CLASP1: variants seen among roughly 807,000 people sequenced by gnomAD.
CLASP1 encodes cytoplasmic linker associated protein 1.
CLASP1 carries 38 observed loss-of-function variants against 192.3 expected under a neutral mutation model. That is an observed-to-expected ratio of 0.20 (90% CI 0.15 to 0.26). CLASP1 has a LOEUF of 0.26. CLASP1 is among the 10% of genes least tolerant of loss of function. CLASP1 has a pLI of 1.00. For synonymous variants in CLASP1, 691 were observed against 712.8 expected, an observed-to-expected ratio of 0.97 and a Z score of 0.49; for missense variants, 1,433 against 1,932.5, an observed-to-expected ratio of 0.74 and a Z score of 4.85.
chr2:121,442,038 A>G (rs2083432385), intron 19 of CLASP1, among the ~76,000 whole-genome samples: 1 of 152,256 alleles, frequency 6.6e-6, no homozygotes, highest in Non-Finnish European at 1.5e-5. Flanking sequence ...AAACATGATT[A>G]TTCCCCAAAC....
intron 2 of CLASP1, 121 bp from the exon 3 acceptor site, chr2:121,530,446 T>G (rs2094744900): frequency 1.5e-6 from 1 of 672,222 alleles, no homozygotes; most frequent in Non-Finnish European, 2.6e-6. Context: ...TCCAGACGCA[T>G]GCCGACTGGA....
chr2:121,431,664 T>A (rs1219206999), intron 19 of CLASP1, among the ~76,000 whole-genome samples: 2 of 151,940 alleles, frequency 1.3e-5, no homozygotes, highest in African/African-American at 4.8e-5. Context: ...AAATAAAAAC[T>A]CTCTTTGCTA....
At chr2:121,616,275 C>T (rs1486206115) in intron 1 of CLASP1, among the ~76,000 whole-genome samples, 3 of 151,912 alleles carry the variant, frequency 2.0e-5, no homozygotes, top group African/African-American at 4.8e-5. Context: ...GGTGAAACCC[C>T]GTCTCTACTA....
At chr2:121,479,905 T>TA (rs2092447565) in intron 8 of CLASP1, among the ~76,000 whole-genome samples, 1 of 152,190 alleles carries the variant, frequency 6.6e-6, no homozygotes, top group East Asian at 1.9e-4. Flanking sequence ...TTTTTGACAA[T>TA]ACAAAGGTGG....
chr2:121,397,058 C>G, intron 30 of CLASP1, 82 bp downstream of exon 31: 1 of 1,437,286 alleles, frequency 7.0e-7, no homozygotes, highest in Non-Finnish European at 9.7e-7. Flanking sequence ...GTGGGTGGCA[C>G]GGTTTTCAAG....
intron 8 of CLASP1, among the ~76,000 whole-genome samples, chr2:121,482,126 T>C (rs2092641786): frequency 6.6e-6 from 1 of 152,104 alleles, no homozygotes; most frequent in South Asian, 2.1e-4. Flanking sequence ...CCTACTTAAC[T>C]CAGGAATACC....
chr2:121,611,728 G>T, intron 1 of CLASP1, among the ~76,000 whole-genome samples: 1 of 148,766 alleles, frequency 6.7e-6, no homozygotes, highest in African/African-American at 2.5e-5. Context: ...GGAGGAGGAG[G>T]TGTTGGAGGA....
chr2:121,488,357 C>T (rs1443735914), intron 8 of CLASP1, among the ~76,000 whole-genome samples: 2 of 152,170 alleles, frequency 1.3e-5, no homozygotes, highest in Admixed American at 6.5e-5. Flanking sequence ...AGGCCCAAGG[C>T]CCCCTCACTG....
chr2:121,352,513 G>A (rs1207159210), intron 37 of CLASP1, among the ~76,000 whole-genome samples: 4 of 152,138 alleles, frequency 2.6e-5, no homozygotes, highest in East Asian at 3.9e-4. Flanking sequence ...TTTTTACCCC[G>A]ACAAAGGCAG....
intron 34 of CLASP1, among the ~76,000 whole-genome samples, chr2:121,374,025 G>T (rs901175130): frequency 6.6e-6 from 1 of 152,240 alleles, no homozygotes; most frequent in Non-Finnish European, 1.5e-5. Flanking sequence ...AGACAATGGA[G>T]TAATGTCTCC....
intron 32 of CLASP1, 139 bp from the exon 34 acceptor site, chr2:121,382,463 T>G: frequency 1.7e-6 from 1 of 596,372 alleles, no homozygotes; most frequent in Non-Finnish European, 2.9e-6. Flanking sequence ...AGAGCAAAAT[T>G]AGCACTTCAT....
At chr2:121,404,539 TC>T (rs1377361007) in intron 25 of CLASP1, 105 bp from the exon 27 acceptor site, 1 of 1,014,190 alleles carries the variant, frequency 9.9e-7, no homozygotes, top group African/African-American at 1.6e-5. Context: ...CGATCATAGC[TC>T]ACTACAGCCT....
intron 2 of CLASP1, among the ~76,000 whole-genome samples, chr2:121,537,407 G>A (rs77513633): frequency 6.7e-6 from 1 of 149,262 alleles, no homozygotes. Context: ...AAAAAAAAAA[G>A]AGAGAGAGAG....
At chr2:121,530,154 G>A in intron 3 of CLASP1, 93 bp downstream of exon 3, 1 of 1,075,242 alleles carries the variant, frequency 9.3e-7, no homozygotes, top group South Asian at 1.4e-5. Flanking sequence ...GGGGAGGCAG[G>A]GTGGCTGCCG....
At chr2:121,520,434 A>G (rs1328816965) in intron 6 of CLASP1, among the ~76,000 whole-genome samples, 2 of 152,196 alleles carry the variant, frequency 1.3e-5, no homozygotes, top group African/African-American at 2.4e-5. Context: ...GCTGTGCCCA[A>G]GAGCCCACCC....
rs370623701 is a variant in CLASP1 at position 121,373,385 on chromosome 2, A to G, written c.3642+4114T>C. 2.0e-4 allele frequency among the ~76,000 whole-genome samples: 30 copies of G among 152,314 alleles called. No individual in the cohort carries two copies. In the East Asian group the frequency reaches 5.6e-3, roughly 28 times the overall value. Reference sequence around the variant, plus strand: ...TTTTCTTTATAAATTACCCAGTCTCAGGTAGTTCTTTATAGCAGTGTGAGA... The same window carrying G: ...TTTTCTTTATAAATTACCCAGTCTCGGGTAGTTCTTTATAGCAGTGTGAGA... On this transcript the variant is annotated intron_variant, in intron 34 of 39. Coordinates refer to ENST00000263710, the Ensembl canonical transcript of CLASP1.
At chr2:121,605,896 A>G (rs1188109984) in exon 2 of CLASP1, 7 of 1,613,204 alleles carry the variant, frequency 4.3e-6, no homozygotes, top group Middle Eastern at 3.3e-4. Context: ...GAGGCTCCAT[A>G]GTGGAATTCA....
intron 2 of CLASP1, among the ~76,000 whole-genome samples, chr2:121,576,425 A>G (rs2060525320): frequency 6.6e-6 from 1 of 152,270 alleles, no homozygotes; most frequent in African/African-American, 2.4e-5. Flanking sequence ...ACAAAGAGGT[A>G]GCTTGAGTAT....
chr2:121,472,917 C>G (rs188290759), intron 8 of CLASP1, among the ~76,000 whole-genome samples: 3 of 152,334 alleles, frequency 2.0e-5, no homozygotes, highest in Admixed American at 2.0e-4. Context: ...AGCTTAAAAG[C>G]AGGCCTACAG....
Sources: gnomAD v4.1 joint callset for allele counts (sites outside exome capture counted in the v4.1 genomes callset) on GRCh38, gnomAD v4.1.1 for gene constraint, MANE v1.5 for transcripts, NCBI Gene and HGNC (gene_info 2026-07-23, HGNC 2026-07-21) for gene names.